The following CD86 variants were observed in gnomAD, a reference collection of about 807,000 sequenced individuals.
CD86 encodes the protein CD86 molecule, also known as T-lymphocyte activation antigen CD86.
Under a neutral mutation model 32.1 loss-of-function variants are expected in CD86, and 11 were observed. The observed-to-expected ratio is 0.34, with a 90% CI of 0.22 to 0.57. The LOEUF is 0.57. CD86 is among the 20% of genes least tolerant of loss of function. CD86 has a pLI of 0.86. For missense variants in CD86, 359 were observed against 398.4 expected (o/e 0.90, Z 0.84); for synonymous variants, 137 against 135.3 (o/e 1.01, Z -0.09).
intron 3 of CD86, among the ~76,000 whole-genome samples, chr3:122,104,275 C>T (rs575122156): frequency 4.5e-4 from 69 of 152,218 alleles, no homozygotes; most frequent in Non-Finnish European, 8.4e-4. Context: ...CCTAGCAAAG[C>T]GGACAGCTGA....
chr3:122,118,819 G>GA (rs1287270465), intron 6 of CD86, among the ~76,000 whole-genome samples: 1 of 152,208 alleles, frequency 6.6e-6, no homozygotes, highest in African/African-American at 2.4e-5. Flanking sequence ...AATGTTGAAA[G>GA]AATGATTGAT....
chr3:122,068,867 C>T (rs1251332289), intron 1 of CD86, among the ~76,000 whole-genome samples: 1 of 152,112 alleles, frequency 6.6e-6, no homozygotes, highest in Non-Finnish European at 1.5e-5. Context: ...CCGTCCTTCC[C>T]CCAGGAAGTC....
At chr3:122,076,288 C>T (rs781248890) in intron 1 of CD86, among the ~76,000 whole-genome samples, 1 of 152,124 alleles carries the variant, frequency 6.6e-6, no homozygotes, top group Non-Finnish European at 1.5e-5. Context: ...ATTTTGATAG[C>T]TAGCCTTTCA....
chr3:122,109,685 C>T (rs1386373541), intron 5 of CD86, among the ~76,000 whole-genome samples: 1 of 152,146 alleles, frequency 6.6e-6, no homozygotes, highest in Non-Finnish European at 1.5e-5. Context: ...CTTTATCTAC[C>T]TCACTTCATG....
chr3:122,064,287 G>C (rs1156762272), intron 1 of CD86, among the ~76,000 whole-genome samples: 1 of 152,098 alleles, frequency 6.6e-6, no homozygotes, highest in African/African-American at 2.4e-5. Flanking sequence ...TAAAAAATAA[G>C]ATAGTCATAG....
Position 122,064,766 on chromosome 3 carries a change from G to A in CD86, c.14+9263G>A, listed in dbSNP as rs1014748040. On this transcript the variant is annotated intron_variant, in intron 1 of 6. Transcript: ENST00000330540. Reference sequence around the variant, plus strand: ...TCTGACCTCTGTTAATGCATCAGAGGTTCAGGAGAGAGTGAGAAAATTGTA... The same window carrying A: ...TCTGACCTCTGTTAATGCATCAGAGATTCAGGAGAGAGTGAGAAAATTGTA... 2.6e-5 allele frequency among the ~76,000 whole-genome samples: 4 copies of A among 152,162 alleles called. No individual in the cohort carries two copies. In the South Asian group the frequency reaches 8.3e-4, roughly 32 times the overall value.
chr3:122,066,500 C>T (rs909102627), intron 1 of CD86, among the ~76,000 whole-genome samples: 1 of 152,164 alleles, frequency 6.6e-6, no homozygotes, highest in Non-Finnish European at 1.5e-5. Context: ...CTATATCCTG[C>T]TAAAAGCTTG....
intron 1 of CD86, among the ~76,000 whole-genome samples, chr3:122,063,758 A>G (rs2072372221): frequency 6.6e-6 from 1 of 152,032 alleles, no homozygotes; most frequent in South Asian, 2.1e-4. Context: ...CAGTTTCATC[A>G]TGGGGCTGGT....
Position 122,088,213 on chromosome 3 carries a change from G to C in CD86, c.15-3388G>C, listed in dbSNP as rs1357582996. 3.6e-5 allele frequency among the ~76,000 whole-genome samples: 5 copies of C among 139,716 alleles called. No individual in the cohort carries two copies. The East Asian group carries it at 1.0e-3, about 29-fold the overall frequency. The allele number at this position is 139,716 out of a possible 152,430, so 91.7% of individuals were successfully genotyped here. A position where few individuals can be genotyped will look rare whatever the true frequency, so the allele number is the denominator to read the frequency against. On this transcript the variant is annotated intron_variant, in intron 1 of 6. Transcript: ENST00000330540. ...TTTTTTTTTTTTTTTGTAGTAGCCA[G>C]CCTAATGAGTAGGAAGTTGTTCTCA...
chr3:122,055,968 CAT>C (rs748496018), intron 1 of CD86, among the ~76,000 whole-genome samples: 4 of 152,236 alleles, frequency 2.6e-5, no homozygotes, highest in Non-Finnish European at 4.4e-5. Context: ...GTTAATATGT[CAT>C]AATCAGGCCA....
intron 1 of CD86, among the ~76,000 whole-genome samples, chr3:122,079,911 A>G (rs2072607502): frequency 6.6e-6 from 1 of 152,144 alleles, no homozygotes; most frequent in African/African-American, 2.4e-5. Context: ...ACTTGAACCT[A>G]ATGCCTAATG....
At chr3:122,072,161 G>A (rs538359372) in intron 1 of CD86, among the ~76,000 whole-genome samples, 7 of 149,682 alleles carry the variant, frequency 4.7e-5, no homozygotes, top group Non-Finnish European at 1.0e-4. Context: ...CCAAGTCTTT[G>A]CTATTGTGAA....
At chr3:122,113,416 T>C (rs2073204009) in intron 5 of CD86, among the ~76,000 whole-genome samples, 1 of 152,266 alleles carries the variant, frequency 6.6e-6, no homozygotes, top group Non-Finnish European at 1.5e-5. Context: ...TTTAGTTCTT[T>C]AAGGAATCTC....
intron 6 of CD86, among the ~76,000 whole-genome samples, chr3:122,118,504 T>C (rs1341301376): frequency 6.6e-6 from 1 of 152,234 alleles, no homozygotes; most frequent in Non-Finnish European, 1.5e-5. Context: ...TAGTATTTGC[T>C]ATGGCCCTGT....
chr3:122,088,951 A>G (rs2072769272), intron 1 of CD86, among the ~76,000 whole-genome samples: 1 of 152,252 alleles, frequency 6.6e-6, no homozygotes, highest in African/African-American at 2.4e-5. Context: ...AAATGAATGG[A>G]TAAACAAAAT....
intron 2 of CD86, among the ~76,000 whole-genome samples, chr3:122,098,397 T>C (rs374877018): frequency 1.3e-5 from 2 of 152,024 alleles, no homozygotes; most frequent in South Asian, 2.1e-4. Flanking sequence ...AGACAGAGTG[T>C]GTGATCTTTT....
At chr3:122,108,859 C>A (rs1002934434) in intron 4 of CD86, among the ~76,000 whole-genome samples, 1 of 152,148 alleles carries the variant, frequency 6.6e-6, no homozygotes, top group Non-Finnish European at 1.5e-5. Flanking sequence ...AGAATCATCA[C>A]GAGAGGAACT....
At chr3:122,062,607 G>A (rs2072355638) in intron 1 of CD86, among the ~76,000 whole-genome samples, 1 of 152,186 alleles carries the variant, frequency 6.6e-6, no homozygotes, top group African/African-American at 2.4e-5. Context: ...TCTGTAGGCA[G>A]TATGATGTCT....
chr3:122,065,855 G>C (rs972773622), intron 1 of CD86, among the ~76,000 whole-genome samples: 1 of 152,010 alleles, frequency 6.6e-6, no homozygotes, highest in Non-Finnish European at 1.5e-5. Context: ...AACTGAATTG[G>C]GGGAGAGGGG....
Sources: gnomAD v4.1 joint callset for allele counts (sites outside exome capture counted in the v4.1 genomes callset) on GRCh38, gnomAD v4.1.1 for gene constraint, MANE v1.5 for transcripts, NCBI Gene and HGNC (gene_info 2026-07-23, HGNC 2026-07-21) for gene names.